PPP4R4: variants seen among roughly 807,000 people sequenced by gnomAD.
PPP4R4 encodes protein phosphatase 4 regulatory subunit 4.
In PPP4R4, 70 loss-of-function variants were observed where a neutral mutation model predicts 121.8. That is an observed-to-expected ratio of 0.57 (90% confidence interval 0.47 to 0.70). The LOEUF is 0.70. Ranked by LOEUF, PPP4R4 falls within the 30% of genes least tolerant of loss-of-function variation. The probability of loss-of-function intolerance (pLI) is 0.00; values close to 1 mark genes in which losing one functional copy is unlikely to be tolerated. For missense variants in PPP4R4, 875 were observed against 1,033.6 expected (o/e 0.85, Z 2.10); for synonymous variants, 348 against 355.7 (o/e 0.98, Z 0.24).
intron 23 of PPP4R4, among the ~76,000 whole-genome samples, chr14:94,274,501 T>G (rs1894527858): frequency 6.6e-6 from 1 of 152,086 alleles, no homozygotes; most frequent in Non-Finnish European, 1.5e-5. Context: ...GATACACAAG[T>G]AAGTGCATGA....
At chr14:94,199,265 T>C (rs532504936) in intron 2 of PPP4R4, among the ~76,000 whole-genome samples, 3 of 152,370 alleles carry the variant, frequency 2.0e-5, no homozygotes, top group South Asian at 4.1e-4. Context: ...ATAGGAAAAG[T>C]TCCCCAGACC....
intron 2 of PPP4R4, among the ~76,000 whole-genome samples, chr14:94,184,075 T>C (rs1015352866): frequency 5.3e-5 from 8 of 152,166 alleles, no homozygotes; most frequent in Non-Finnish European, 8.8e-5. Flanking sequence ...TCTTGAGAAG[T>C]AGCTAAGTGA....
chr14:94,264,198 G>C (rs1301190689), intron 19 of PPP4R4, among the ~76,000 whole-genome samples: 1 of 152,128 alleles, frequency 6.6e-6, no homozygotes, highest in Non-Finnish European at 1.5e-5. Flanking sequence ...ACCCAGGCTG[G>C]AGTGCAGTGG....
At chr14:94,266,400 A>G (rs987565731) in intron 22 of PPP4R4, among the ~76,000 whole-genome samples, 7 of 152,294 alleles carry the variant, frequency 4.6e-5, no homozygotes, top group African/African-American at 1.7e-4. Context: ...TAGAATCAAT[A>G]TAAGTTAAAT....
chr14:94,258,888 C>T (rs557408424), intron 18 of PPP4R4, 64 bp downstream of exon 18: 1 of 1,354,832 alleles, frequency 7.4e-7, no homozygotes, highest in Non-Finnish European at 1.0e-6. Context: ...AAGACATACC[C>T]AAGACTGGGC....
At chr14:94,201,389 A>C (rs1243124) in intron 2 of PPP4R4, among the ~76,000 whole-genome samples, 120,988 of 152,060 alleles carry the variant, frequency 0.8, 48,661 homozygotes, top group Admixed American at 0.85. Flanking sequence ...TGTTGACTTT[A>C]TGTCTTGATG....
intron 19 of PPP4R4, among the ~76,000 whole-genome samples, chr14:94,263,831 T>A (rs118186167): frequency 0.014 from 2,085 of 152,352 alleles, 30 homozygotes; most frequent in Middle Eastern, 0.031. Context: ...TTGATTTTTT[T>A]ATGTAGTCCA....
chr14:94,186,355 A>G (rs1889282205), intron 2 of PPP4R4, among the ~76,000 whole-genome samples: 1 of 152,206 alleles, frequency 6.6e-6, no homozygotes, highest in Non-Finnish European at 1.5e-5. Context: ...GAAATGGATC[A>G]TACAGTCTAC....
chr14:94,180,884 G>A (rs1045539376), intron 2 of PPP4R4, among the ~76,000 whole-genome samples: 1 of 152,006 alleles, frequency 6.6e-6, no homozygotes, highest in Non-Finnish European at 1.5e-5. Context: ...ATGAAAGAGT[G>A]AGATTTCTGC....
At chr14:94,189,708 G>A (rs773534786) in intron 2 of PPP4R4, among the ~76,000 whole-genome samples, 6 of 152,150 alleles carry the variant, frequency 3.9e-5, no homozygotes, top group Non-Finnish European at 7.4e-5. Flanking sequence ...CAATGTGCTC[G>A]AAACTGCATT....
intron 4 of PPP4R4, 138 bp downstream of exon 4, chr14:94,230,872 C>A: frequency 1.0e-6 from 1 of 956,986 alleles, no homozygotes; most frequent in African/African-American, 1.7e-5. Flanking sequence ...AGTGGAATGA[C>A]TTAAAATAGC....
rs767450156 is a variant in PPP4R4, at chr14:94,244,697, A to G, written c.1329A>G (p.Gln443=). ...LIHKELITLL[Q]DESLEVLDAL... The stretch of plus-strand genomic sequence containing the variant: ...ATAAAGAACTAATAACATTATTACA[A>G]GATGAATCACTGGAGGTAATATTTT... The change falls in exon 12 of 25, where the codon CAA becomes CAG. Residue 443 remains glutamine (Q), a synonymous_variant. Transcript: ENST00000304338. The G allele has an allele frequency of 4.7e-6, 7 of 1,497,122 alleles. No homozygotes were observed. In the South Asian group the frequency reaches 7.3e-5, roughly 16 times the overall value. The allele number at this position is 1,497,122 out of a possible 1,614,324, so 92.7% of individuals were successfully genotyped here.
intron 24 of PPP4R4, among the ~76,000 whole-genome samples, chr14:94,277,617 C>G (rs1012157525): frequency 1.3e-5 from 2 of 152,142 alleles, no homozygotes; most frequent in Non-Finnish European, 2.9e-5. Flanking sequence ...CTATATTTTT[C>G]TAAATGCCAT....
chr14:94,230,531 A>C, intron 3 of PPP4R4, 56 bp from the exon 4 acceptor site: 4 of 1,491,032 alleles, frequency 2.7e-6, no homozygotes, highest in Non-Finnish European at 3.7e-6. Context: ...ATTTTTAAAA[A>C]TTATAATTTG....
chr14:94,237,512 C>G, intron 7 of PPP4R4, 53 bp from the exon 8 acceptor site: 3 of 1,530,586 alleles, frequency 2.0e-6, no homozygotes, highest in South Asian at 1.2e-5. Flanking sequence ...TTAGTAAGTT[C>G]CTGCTACACA....
At chr14:94,247,821 A>G (rs527424805) in intron 14 of PPP4R4, among the ~76,000 whole-genome samples, 4 of 152,234 alleles carry the variant, frequency 2.6e-5, no homozygotes, top group African/African-American at 9.6e-5. Flanking sequence ...TTACATGATC[A>G]TCTCAATGGA....
At chr14:94,202,574 G>T (rs1890248362) in intron 2 of PPP4R4, among the ~76,000 whole-genome samples, 1 of 152,168 alleles carries the variant, frequency 6.6e-6, no homozygotes, top group African/African-American at 2.4e-5. Flanking sequence ...TCTATTTGTA[G>T]TTTGCTGATA....
At chr14:94,256,744 T>C in intron 17 of PPP4R4, 140 bp downstream of exon 17, 1 of 1,001,250 alleles carries the variant, frequency 1.0e-6, no homozygotes, top group Non-Finnish European at 1.4e-6. Context: ...TAGTAAATGA[T>C]TTGGTTGATA....
At chr14:94,181,825 G>A (rs570437648) in intron 2 of PPP4R4, among the ~76,000 whole-genome samples, 2 of 152,248 alleles carry the variant, frequency 1.3e-5, no homozygotes, top group African/African-American at 4.8e-5. Flanking sequence ...ACAAATATAT[G>A]TGTTCATATA....
Sources: allele counts gnomAD v4.1 joint callset (sites outside exome capture counted in the v4.1 genomes callset), GRCh38; gene constraint gnomAD v4.1.1; transcripts MANE v1.5; gene names NCBI Gene and HGNC (gene_info 2026-07-23, HGNC 2026-07-21).